FAM186A: variants seen among roughly 807,000 people sequenced by gnomAD.
The protein encoded by FAM186A is protein FAM186A.
FAM186A carries 163 observed loss-of-function variants against 216.8 expected under a neutral mutation model. The ratio of observed to expected loss-of-function variants is 0.75; its 90% CI spans 0.66 to 0.86. The LOEUF (loss-of-function observed/expected upper bound fraction) is 0.86. Among genes scored for constraint, FAM186A ranks in the 40% least tolerant of loss-of-function variants. The pLI is 0.00. For missense variants in FAM186A, 2,184 were observed against 2,746.2 expected (o/e 0.80, Z 4.58); for synonymous variants, 805 against 1,025.3 (o/e 0.79, Z 4.10).
intron 1 of FAM186A, chr12:50,366,196 G>A (rs1350852898): frequency 2.8e-5 from 16 of 575,132 alleles, no homozygotes; most frequent in Non-Finnish European, 3.4e-5. Context: ...TCTGATGTTA[G>A]GTGTATTTGC....
At chr12:50,394,854 G>A (rs558601685) in intron 1 of FAM186A, among the ~76,000 whole-genome samples, 7 of 146,896 alleles carry the variant, frequency 4.8e-5, no homozygotes, top group East Asian at 2.1e-4. Context: ...GGACCTTCCC[G>A]AGTAGCTGGG....
rs1284461497 is a variant in FAM186A at position 50,353,558 on chromosome 12, C to A, written c.3274G>T (p.Ala1092Ser). 1 of 1,531,072 alleles carries A rather than the reference C, an allele frequency of 6.5e-7. No individual in the cohort carries two copies. The highest frequency in any genetic ancestry group is 8.8e-7 in the Non-Finnish European group (1 of 1,137,794). The allele number at this position is 1,531,072 out of a possible 1,614,324, so 94.8% of individuals were successfully genotyped here. A position where few individuals can be genotyped will look rare whatever the true frequency, so the allele number is the denominator to read the frequency against. Residue 1092 changes from alanine (A) to serine (S), a missense_variant, in exon 4 of 8, where the codon GCC (alanine) becomes TCC (serine). Ala to Ser is a moderately conservative substitution (Grantham distance 99). Transcript: ENST00000327337. ...GTGAGCGTGATCCCCTGAGCCTGGG[C>A]CTGCTGAGGAGTGAGTGTGATCCCC... is the stretch of plus-strand genomic sequence containing the variant. ...EVGITLTPQQ[A>S]QAQGITLTLQ...
chr12:50,373,262 T>A (rs1378942890), intron 1 of FAM186A, among the ~76,000 whole-genome samples: 4 of 151,958 alleles, frequency 2.6e-5, no homozygotes, highest in South Asian at 2.1e-4. Flanking sequence ...CCGGGTGTGG[T>A]GGCACGCACC....
At chr12:50,378,641 C>CAT (rs1565894883) in intron 1 of FAM186A, among the ~76,000 whole-genome samples, 3 of 139,854 alleles carry the variant, frequency 2.1e-5, no homozygotes, top group Non-Finnish European at 4.6e-5. Context: ...TATACACATA[C>CAT]ATATATATAC....
At position 50,356,164 on chromosome 12, in the gene FAM186A, A is replaced by G; in HGVS notation, c.668T>C (p.Met223Thr). The G allele has an allele frequency of 6.4e-7, 1 of 1,551,656 alleles. No homozygotes were observed. The highest frequency in any genetic ancestry group is 8.7e-7 in the Non-Finnish European group (1 of 1,146,982). ...STARALRPDQ[M>T]ISDQLATNTK... ...ATTTGTTGCAAGTTGATCACTAATC[A>G]TCTGATCTGGTCTTAAAGCACGGGC... is the stretch of plus-strand genomic sequence containing the variant. The change falls in exon 4 of 8, where the codon ATG becomes ACG. Residue 223 changes from methionine to threonine, a missense_variant. Physicochemically the swap from Met to Thr is moderately conservative, Grantham distance 81. Transcript: ENST00000327337.
At chr12:50,357,519 GAC>G (rs1555216831) in intron 3 of FAM186A, among the ~76,000 whole-genome samples, 1 of 111,198 alleles carries the variant, frequency 9.0e-6, no homozygotes, top group Non-Finnish European at 2.0e-5. Flanking sequence ...AAAAAAAAAA[GAC>G]ACACATTTGA....
chr12:50,349,917 G>T (rs1164732133), intron 4 of FAM186A, among the ~76,000 whole-genome samples: 1 of 152,136 alleles, frequency 6.6e-6, no homozygotes, highest in Admixed American at 6.6e-5. Context: ...CTCCCAAAGT[G>T]CTGGGATTAC....
At chr12:50,391,630 C>A (rs952828386) in intron 1 of FAM186A, among the ~76,000 whole-genome samples, 4 of 148,092 alleles carry the variant, frequency 2.7e-5, no homozygotes, top group Non-Finnish European at 4.5e-5. Context: ...ATTTTTTTGA[C>A]AGTCTCACTG....
rs1426100257 is a variant in FAM186A, at chr12:50,354,207, T to C, written c.2625A>G (p.Gln875=). Residue 875 remains glutamine, a synonymous_variant, in exon 4 of 8, where the codon CAA becomes CAG. Transcript: ENST00000327337. ...KAWLQMKEGK[Q]EQQSQKQWQE... ...GCCACTGTTTCTGGCTCTGTTGTTC[T>C]TGCTTTCCCTCCTTCATCTGGAGCC... 5 of 1,551,742 alleles carry C rather than the reference T, an allele frequency of 3.2e-6. No individual in the cohort carries two copies. Among genetic ancestry groups the C allele is most frequent in the Non-Finnish European group, 4.4e-6 (5 of 1,146,998 alleles).
At chr12:50,357,234 C>A (rs143881210) in intron 3 of FAM186A, among the ~76,000 whole-genome samples, 1,713 of 152,038 alleles carry the variant, frequency 0.011, 29 homozygotes, top group African/African-American at 0.038. Flanking sequence ...TTTGGCCAGG[C>A]GCAATGGCTC....
chr12:50,333,400 T>C (rs57436518), intron 5 of FAM186A, among the ~76,000 whole-genome samples: 2,711 of 151,830 alleles, frequency 0.018, 81 homozygotes, highest in African/African-American at 0.062. Flanking sequence ...GGCATGGTGG[T>C]GGGCGCCTGT....
Position 50,360,885 on chromosome 12 carries a change from G to A in FAM186A, c.454C>T (p.His152Tyr). The A allele has an allele frequency of 6.5e-7, 1 of 1,550,078 alleles. No individual in the cohort carries two copies. The highest frequency in any genetic ancestry group is 1.4e-5 in the African/African-American group (1 of 73,032). The change falls in exon 3 of 8, where the codon CAC (histidine) becomes TAC (tyrosine). Residue 152 changes from histidine (H) to tyrosine (Y), a missense_variant. By Grantham distance (83) the His-to-Tyr change is moderately conservative. This residue lies in a region of FAM186A where 1,132 missense variants were observed against 1,263.4 expected (regional missense o/e 0.90). Transcript: ENST00000327337. ...TCCATTTGTGCTATCCAGTGGTGGT[G>A]TTCATCAACATCCATTAGAGTCATC... is the stretch of plus-strand genomic sequence containing the variant. ...SEMTLMDVDEHHHWIAQMELL... is the reference protein window; with the variant it reads ...SEMTLMDVDEYHHWIAQMELL...
Position 50,363,223 on chromosome 12 carries a change from T to C in FAM186A, c.334A>G (p.Lys112Glu). 1 of 1,551,624 alleles carries C rather than the reference T, an allele frequency of 6.4e-7. No homozygotes were observed. The highest frequency in any genetic ancestry group is 2.4e-5 in the East Asian group (1 of 40,896). The change falls in exon 2 of 8, where the codon AAA (lysine) becomes GAA (glutamate). Residue 112 changes from lysine (K) to glutamate (E), a missense_variant. Around this residue, in one of 7 missense-constraint regions of FAM186A, gnomAD observed 1,132 missense variants for 1,263.4 expected, o/e 0.90. Transcript: ENST00000327337. ...ATAGTCTTAGCGTAAGTAGCCATTT[T>C]CTCAAGAAAATTGGTTCTCTGTTTT... is the stretch of plus-strand genomic sequence containing the variant. ...KKKQRTNFLE[K>E]MATYAKTIEI...
chr12:50,350,509 T>A lies in FAM186A; in HGVS notation c.6323A>T (p.Asp2108Val). The change falls in exon 4 of 8, where the codon GAT becomes GTT. Residue 2108 changes from aspartate to valine, a missense_variant. Asp to Val is a radical substitution (Grantham distance 152). This residue lies in a region of FAM186A where 721 missense variants were observed against 816.4 expected (regional missense o/e 0.88). Coordinates refer to ENST00000327337, the MANE Select transcript of FAM186A (RefSeq NM_001145475.3). Reference protein sequence around the residue: ...QELEEKRYFVDVEAQKKNLIL... With the variant: ...QELEEKRYFVVVEAQKKNLIL... ...CAGGTTCTTCTTCTGAGCCTCCACA[T>A]CAACAAAATACCTCTTTTCTTCAAG... is the stretch of plus-strand genomic sequence containing the variant. 6.4e-7 allele frequency: 1 copy of A among 1,551,602 alleles called. No individual in the cohort carries two copies. Among genetic ancestry groups the A allele is most frequent in the African/African-American group, 1.4e-5 (1 of 73,130 alleles).
In FAM186A at chr12:50,373,099, G is replaced by GA. The variant is rs1414136693; in HGVS notation, c.193-9736dup. Among the ~76,000 whole-genome samples, 6 of 125,182 alleles carry GA rather than the reference G, an allele frequency of 4.8e-5. No homozygotes were observed. In the Admixed American group the frequency reaches 5.4e-4, roughly 11 times the overall value. 82.1% of individuals were successfully genotyped at this position (125,182 alleles called of 152,430 possible). Reference sequence around the variant, plus strand: ...AGAGAAAAGAAAGAAAGAAAGAAAAGAAAGAAAGAAAAACTAGGCTGGGCA... The same window carrying GA: ...AGAGAAAAGAAAGAAAGAAAGAAAAGAAAAGAAAGAAAAACTAGGCTGGGCA... On this transcript the variant is annotated intron_variant, in intron 1 of 7. Coordinates refer to ENST00000327337, the MANE Select transcript of FAM186A (RefSeq NM_001145475.3).
rs1293747907 is a variant in FAM186A, at chr12:50,352,656, A to C, written c.4176T>G (p.Ala1392=). 4 of 1,428,680 alleles carry C rather than the reference A, an allele frequency of 2.8e-6. No individual in the cohort carries two copies. 88.5% of individuals were successfully genotyped at this position (1,428,680 alleles called of 1,614,324 possible). The change falls in exon 4 of 8, where the codon GCT becomes GCG. Residue 1392 remains alanine, a synonymous_variant. Transcript: ENST00000327337. ...TGGTGAGAGGCATCCCCAAGGCCTG[A>C]GCCTGCTGAGGGGTGAGAGGGATCC... ...ELGIPLTPQQ[A]QALGMPLTTQ... is the part of the protein sequence containing the mutation.
Position 50,396,316 on chromosome 12 carries a change from C to G in FAM186A, c.169G>C (p.Ala57Pro). The G allele has an allele frequency of 1.3e-6, 2 of 1,550,102 alleles. No homozygotes were observed. The highest frequency in any genetic ancestry group is 1.7e-6 in the Non-Finnish European group (2 of 1,146,528). Residue 57 changes from alanine (A) to proline (P), a missense_variant, in exon 1 of 8, where the codon GCA (alanine) becomes CCA (proline). Physicochemically the swap from Ala to Pro is conservative, Grantham distance 27 (BLOSUM62 -1). Coordinates refer to ENST00000327337, the MANE Select transcript of FAM186A (RefSeq NM_001145475.3). ...ACCTCTCTGGCTCGATGGAGCTGTG[C>G]GCGCTCAATCCTAGAGATGATATCC... ...VKDIISRIERAQLHRAREDID... is the reference protein window; with the variant it reads ...VKDIISRIERPQLHRAREDID...
chr12:50,355,517 C>T lies in FAM186A; in HGVS notation c.1315G>A (p.Val439Ile), dbSNP rs866720305. The part of the protein sequence containing the change: ...DISEDSTKDN[V>I]SLKKGDFYQE... ...TAGAAATCACCTTTCTTCAATGATACGTTATCTTTAGTGCTGTCTTCGGAA... is the reference window on the plus strand; with the variant it reads ...TAGAAATCACCTTTCTTCAATGATATGTTATCTTTAGTGCTGTCTTCGGAA... The change falls in exon 4 of 8, where the codon GTA becomes ATA. Residue 439 changes from valine to isoleucine, a missense_variant. Transcript: ENST00000327337. 13 of 1,551,208 alleles carry T rather than the reference C, an allele frequency of 8.4e-6. No homozygotes were observed. Among genetic ancestry groups the T allele is most frequent in the South Asian group, 4.8e-5 (4 of 83,986 alleles).
intron 1 of FAM186A, among the ~76,000 whole-genome samples, chr12:50,373,621 G>A (rs1374935044): frequency 6.6e-6 from 1 of 152,158 alleles, no homozygotes; most frequent in Non-Finnish European, 1.5e-5. Flanking sequence ...ACACCAGTTA[G>A]AATGGCAATC....
Sources: gnomAD v4.1 joint callset for allele counts (sites outside exome capture counted in the v4.1 genomes callset) on GRCh38, gnomAD v4.1.1 for gene constraint, gnomAD v4.1.1 regional missense constraint, MANE v1.5 for transcripts, NCBI Gene and HGNC (gene_info 2026-07-23, HGNC 2026-07-21) for gene names.